ACO1: variants seen among roughly 807,000 people sequenced by gnomAD.
The protein encoded by ACO1 is cytoplasmic aconitate hydratase.
A neutral mutation model predicts 105.1 loss-of-function variants in ACO1; 78 were observed. The ratio of observed to expected loss-of-function variants is 0.74; its 90% confidence interval spans 0.62 to 0.90. The LOEUF (loss-of-function observed/expected upper bound fraction) is 0.90. Among genes scored for constraint, ACO1 ranks in the 40% least tolerant of loss-of-function variants. The pLI is 0.00. For synonymous variants in ACO1, 364 were observed against 397.4 expected, an observed-to-expected ratio of 0.92 and a Z score of 1.00; for missense variants, 965 against 1,111.1, an observed-to-expected ratio of 0.87 and a Z score of 1.87.
chr9:32,441,161 A>G (rs1003194625), intron 19 of ACO1, among the ~76,000 whole-genome samples: 5 of 152,138 alleles, frequency 3.3e-5, no homozygotes, highest in African/African-American at 1.2e-4. Flanking sequence ...TCTCGATGAG[A>G]GTGAAACTCA....
chr9:32,397,662 AAT>A (rs1369183469), intron 1 of ACO1, among the ~76,000 whole-genome samples: 2 of 152,224 alleles, frequency 1.3e-5, no homozygotes, highest in Non-Finnish European at 2.9e-5. Flanking sequence ...ACAGAAATGA[AAT>A]ATAGCTAACC....
intron 1 of ACO1, among the ~76,000 whole-genome samples, chr9:32,403,010 AAAGGCAACTCCAGCATTCAAAGTTG>A (rs1821530195): frequency 6.6e-6 from 1 of 152,186 alleles, no homozygotes; most frequent in African/African-American, 2.4e-5. Flanking sequence ...GGAAAGAAGT[AAAGGCAACTCCAGCATTCAAAGTTG>A]AGTCTCTTGT....
intron 4 of ACO1, among the ~76,000 whole-genome samples, chr9:32,410,743 T>C (rs1340798936): frequency 1.5e-5 from 2 of 133,450 alleles, no homozygotes; most frequent in Middle Eastern, 3.8e-3. Context: ...AATGTAGAGA[T>C]GGGTGTAAAA....
intron 1 of ACO1, among the ~76,000 whole-genome samples, chr9:32,392,142 A>G (rs1270012193): frequency 6.6e-6 from 1 of 151,972 alleles, no homozygotes; most frequent in East Asian, 1.9e-4. Flanking sequence ...AATGAGATTT[A>G]TTTTTTTTAA....
intron 1 of ACO1, among the ~76,000 whole-genome samples, chr9:32,391,968 G>A (rs1821276368): frequency 6.6e-6 from 1 of 152,098 alleles, no homozygotes; most frequent in Non-Finnish European, 1.5e-5. Flanking sequence ...TATTTTCTTA[G>A]ATAAGAAATC....
At chr9:32,400,234 G>A (rs923023455) in intron 1 of ACO1, among the ~76,000 whole-genome samples, 1 of 152,094 alleles carries the variant, frequency 6.6e-6, no homozygotes, top group African/African-American at 2.4e-5. Flanking sequence ...ACCTCCTAAA[G>A]TGCTGGGATT....
chr9:32,394,991 G>C (rs1387153078), intron 1 of ACO1, among the ~76,000 whole-genome samples: 1 of 152,096 alleles, frequency 6.6e-6, no homozygotes, highest in East Asian at 1.9e-4. Flanking sequence ...TTGTGGTGAT[G>C]GCCTTTCTTT....
chr9:32,410,613 A>G (rs1026898812), intron 4 of ACO1, among the ~76,000 whole-genome samples: 2 of 152,196 alleles, frequency 1.3e-5, no homozygotes, highest in African/African-American at 4.8e-5. Flanking sequence ...GAATCTAGTC[A>G]TCTTTGCCCT....
At chr9:32,449,174 G>A in intron 20 of ACO1, 93 bp downstream of exon 20, 4 of 1,276,574 alleles carry the variant, frequency 3.1e-6, no homozygotes, top group Non-Finnish European at 2.1e-6. Flanking sequence ...AGGTTTAGAA[G>A]GCAAAAAATA....
At chr9:32,408,755 A>G (rs1438302533) in intron 4 of ACO1, 104 bp downstream of exon 4, 1 of 1,344,762 alleles carries the variant, frequency 7.4e-7, no homozygotes, top group African/African-American at 1.5e-5. Flanking sequence ...AAATCTTTCA[A>G]AGATATCTTC....
In ACO1 at chr9:32,439,270, T is replaced by C. The variant is rs1379161574; in HGVS notation, c.2248-1195T>C. 6.6e-6 allele frequency among the ~76,000 whole-genome samples: 1 copy of C among 152,254 alleles called. No individual in the cohort carries two copies. The highest frequency in any genetic ancestry group is 1.5e-5 in the Non-Finnish European group (1 of 68,042). ...TTTGAAAGGATCCAGACAATTCAGT[T>C]AGAAGAAGGTTTTCACTGTTTCTAT... On this transcript the variant is annotated intron_variant, in intron 18 of 20. Coordinates refer to ENST00000309951, the MANE Select transcript of ACO1 (RefSeq NM_002197.3). The surrounding 1 kb of genome is among the most constrained non-coding windows in gnomAD (Gnocchi z 4.0).
rs1024954004 is a variant in ACO1 at position 32,448,979 on chromosome 9, T to G, written c.2454T>G (p.Tyr818Ter). Residue 818 changes from tyrosine (Y) to a stop codon, truncating the protein, a stop_gained, in exon 20 of 21, where the codon TAT (tyrosine) becomes TAG (stop). Transcript: ENST00000309951. LOFTEE classifies it high-confidence loss of function. ...GGATGGGTGTGATCCCACTTGAATA[T>G]CTCCCTGGTGAGAATGCAGATGCCC... ...LVGMGVIPLEYLPGENADALG... is the reference protein window; with the variant it reads ...LVGMGVIPLE The G allele has an allele frequency of 6.2e-7, 1 of 1,614,002 alleles. No homozygotes were observed. The highest frequency in any genetic ancestry group is 8.5e-7 in the Non-Finnish European group (1 of 1,179,896).
chr9:32,413,214 G>C (rs1215563816), intron 4 of ACO1, among the ~76,000 whole-genome samples: 1 of 152,072 alleles, frequency 6.6e-6, no homozygotes, highest in Admixed American at 6.5e-5. Flanking sequence ...TAGCCGGGGC[G>C]GTGGCTCGCC....
rs1185576421 is a variant in ACO1, at chr9:32,452,224, T to G, written c.*2113T>G. The G allele has an allele frequency of 1.3e-5, 2 of 152,250 alleles. No homozygotes were observed. Among genetic ancestry groups the G allele is most frequent in the African/African-American group, 4.8e-5 (2 of 41,462 alleles). The allele number at this position is 152,250 out of a possible 1,614,324, so 9.4% of individuals were successfully genotyped here. A position where few individuals can be genotyped will look rare whatever the true frequency, so the allele number is the denominator to read the frequency against. ...ATTACTGAGCAGCTGGGGAGCTGTC[T>G]CGCTCCCCGCATTCAGTGGCTCCTG... is the stretch of plus-strand genomic sequence containing the variant. On this transcript the variant is annotated 3_prime_UTR_variant, in exon 21 of 21. Transcript: ENST00000309951.
At chr9:32,434,525 T>C (rs1331083561) in intron 16 of ACO1, 34 bp from the exon 17 acceptor site, 1 of 1,612,176 alleles carries the variant, frequency 6.2e-7, no homozygotes, top group Admixed American at 1.7e-5. Flanking sequence ...TGGGAAAACC[T>C]GGGCCAATGC....
At position 32,384,735 on chromosome 9, in the gene ACO1, G is replaced by A. The variant is rs1334379604; in HGVS notation, c.-23G>A. Reference sequence around the variant, plus strand: ...GCGGGAGCCCCGCCGTGCAGTCGGAGGTGAGTACCGACGCGGCCCGACCCA... The same window carrying A: ...GCGGGAGCCCCGCCGTGCAGTCGGAAGTGAGTACCGACGCGGCCCGACCCA... On this transcript the variant is annotated splice_region_variant and 5_prime_UTR_variant, in exon 1 of 21. Coordinates refer to ENST00000309951, the MANE Select transcript of ACO1 (RefSeq NM_002197.3). 2 of 399,986 alleles carry A rather than the reference G, an allele frequency of 5.0e-6. No individual in the cohort carries two copies. Among genetic ancestry groups the A allele is most frequent in the Non-Finnish European group, 1.0e-5 (2 of 199,378 alleles). The allele number at this position is 399,986 out of a possible 1,614,324, so 24.8% of individuals were successfully genotyped here. A position where few individuals can be genotyped will look rare whatever the true frequency, so the allele number is the denominator to read the frequency against.
At chr9:32,401,424 C>T (rs1292582310) in intron 1 of ACO1, among the ~76,000 whole-genome samples, 2 of 151,274 alleles carry the variant, frequency 1.3e-5, no homozygotes, top group Non-Finnish European at 2.9e-5. Flanking sequence ...CTAATGAGTC[C>T]TGTGACCCTA....
chr9:32,417,996 C>T, intron 4 of ACO1, 132 bp from the exon 5 acceptor site: 1 of 748,488 alleles, frequency 1.3e-6, no homozygotes, highest in South Asian at 1.8e-5. Flanking sequence ...TGTAAATAGT[C>T]ATGAATGAAA....
chr9:32,416,815 G>A (rs940122483), intron 4 of ACO1, among the ~76,000 whole-genome samples: 14 of 152,162 alleles, frequency 9.2e-5, no homozygotes, highest in Admixed American at 6.5e-5. Flanking sequence ...CTGTGTTATC[G>A]TCTAACTTTG....
Sources: allele counts gnomAD v4.1 joint callset (sites outside exome capture counted in the v4.1 genomes callset), GRCh38; gene constraint gnomAD v4.1.1; non-coding constraint Gnocchi (gnomAD v3.1); transcripts MANE v1.5; gene names NCBI Gene and HGNC (gene_info 2026-07-23, HGNC 2026-07-21).